ANO10: variants seen among roughly 807,000 people sequenced by gnomAD.
The protein encoded by ANO10 is anoctamin-10.
A neutral mutation model predicts 74.7 loss-of-function variants in ANO10; 77 were observed. The observed-to-expected ratio is 1.03, with a 90% CI of 0.86 to 1.25. ANO10 has a LOEUF of 1.25. ANO10 is among the 50% of genes most tolerant of loss of function. ANO10 has a pLI of 0.00. For synonymous variants in ANO10, 279 were observed against 284.9 expected, an observed-to-expected ratio of 0.98 and a Z score of 0.21; for missense variants, 721 against 778.1, an observed-to-expected ratio of 0.93 and a Z score of 0.87.
At chr3:43,404,334 G>C (rs543655477) in intron 12 of ANO10, among the ~76,000 whole-genome samples, 1 of 152,112 alleles carries the variant, frequency 6.6e-6, no homozygotes, top group Non-Finnish European at 1.5e-5. Flanking sequence ...AGAAAATGCC[G>C]AACACAGCCT....
At chr3:43,683,116 A>C (rs1437608132) in intron 1 of ANO10, among the ~76,000 whole-genome samples, 1 of 152,200 alleles carries the variant, frequency 6.6e-6, no homozygotes, top group Non-Finnish European at 1.5e-5. Flanking sequence ...AAGGGTATTC[A>C]ATTAGGAAAA....
rs897043933 is a variant in ANO10, at chr3:43,573,204, T to G, written c.1218+1605A>C. Reference sequence around the variant, plus strand: ...TTACACAGAGGGCACAGAACAGAACTTCCTAGCTGATTTAGCACCAACATT... The same window carrying G: ...TTACACAGAGGGCACAGAACAGAACGTCCTAGCTGATTTAGCACCAACATT... On this transcript the variant is annotated intron_variant, in intron 7 of 12. Transcript: ENST00000292246. Among the ~76,000 whole-genome samples the G allele has an allele frequency of 3.9e-5, 6 of 152,192 alleles. No homozygotes were observed. In the East Asian group the frequency reaches 1.2e-3, roughly 29 times the overall value.
At chr3:43,660,490 G>A (rs931960327) in intron 1 of ANO10, among the ~76,000 whole-genome samples, 1 of 151,946 alleles carries the variant, frequency 6.6e-6, no homozygotes, top group African/African-American at 2.4e-5. Context: ...CAGAAGAAAG[G>A]ATATCAGTGA....
chr3:43,582,625 G>GA (rs34738608), intron 4 of ANO10, among the ~76,000 whole-genome samples: 147 of 151,914 alleles, frequency 9.7e-4, no homozygotes, highest in African/African-American at 3.1e-3. Flanking sequence ...GGAAAAGTCT[G>GA]AAAAAAAAGA....
intron 11 of ANO10, among the ~76,000 whole-genome samples, chr3:43,466,245 C>T (rs2075606907): frequency 6.6e-6 from 1 of 151,538 alleles, no homozygotes. Context: ...GTGGTGCGTG[C>T]CGGTAGTTCC....
intron 11 of ANO10, among the ~76,000 whole-genome samples, chr3:43,467,387 T>G (rs2075673058): frequency 6.6e-6 from 1 of 152,214 alleles, no homozygotes; most frequent in African/African-American, 2.4e-5. Context: ...CTATGGTATA[T>G]TCATACAATG....
intron 11 of ANO10, among the ~76,000 whole-genome samples, chr3:43,483,570 T>C (rs1037446568): frequency 2.0e-5 from 3 of 152,150 alleles, no homozygotes; most frequent in African/African-American, 7.2e-5. Flanking sequence ...ACCCACATGA[T>C]TGATAAATGT....
chr3:43,555,822 A>C (rs1407063655), intron 9 of ANO10, among the ~76,000 whole-genome samples: 1 of 152,228 alleles, frequency 6.6e-6, no homozygotes, highest in Non-Finnish European at 1.5e-5. Context: ...ACTTCCAGTC[A>C]GTTTTTCTTA....
At chr3:43,410,810 G>A (rs1275293315) in intron 12 of ANO10, among the ~76,000 whole-genome samples, 1 of 152,028 alleles carries the variant, frequency 6.6e-6, no homozygotes, top group Non-Finnish European at 1.5e-5. Flanking sequence ...GCATTTAGTT[G>A]CATGAGAAAA....
intron 11 of ANO10, among the ~76,000 whole-genome samples, chr3:43,442,051 A>G (rs147478511): frequency 7.9e-4 from 121 of 152,312 alleles, no homozygotes; most frequent in African/African-American, 2.8e-3. Context: ...CGTCATACCA[A>G]ATGATGGAAA....
At chr3:43,605,390 T>C (rs1420067897) in intron 2 of ANO10, among the ~76,000 whole-genome samples, 1 of 152,130 alleles carries the variant, frequency 6.6e-6, no homozygotes, top group African/African-American at 2.4e-5. Flanking sequence ...TAGATACTTG[T>C]CCATTCATTT....
chr3:43,571,348 G>A (rs2080704523), intron 7 of ANO10, among the ~76,000 whole-genome samples: 2 of 152,026 alleles, frequency 1.3e-5, no homozygotes, highest in South Asian at 4.2e-4. Context: ...TATACCCAAA[G>A]GACTATAAAT....
At chr3:43,422,508 G>C (rs961921154) in intron 12 of ANO10, among the ~76,000 whole-genome samples, 2 of 152,092 alleles carry the variant, frequency 1.3e-5, no homozygotes, top group Admixed American at 1.3e-4. Context: ...AAATACATTT[G>C]AATGACATCT....
intron 11 of ANO10, among the ~76,000 whole-genome samples, chr3:43,514,573 C>CA (rs979769448): frequency 1.3e-5 from 2 of 151,856 alleles, no homozygotes; most frequent in East Asian, 1.9e-4. Context: ...AAAAAGTAGA[C>CA]AAAAAAAGCA....
At chr3:43,405,117 A>G (rs765389318) in intron 12 of ANO10, among the ~76,000 whole-genome samples, 3 of 152,212 alleles carry the variant, frequency 2.0e-5, no homozygotes, top group Admixed American at 1.3e-4. Flanking sequence ...TTGATCTAAC[A>G]TGTCCTTTTA....
intron 11 of ANO10, among the ~76,000 whole-genome samples, chr3:43,438,473 G>A (rs2093108574): frequency 1.3e-5 from 2 of 151,922 alleles, no homozygotes; most frequent in East Asian, 1.9e-4. Context: ...AGCCAGGCAT[G>A]GTGGCTCACG....
chr3:43,373,205 T>G (rs2091680217), intron 12 of ANO10, among the ~76,000 whole-genome samples: 1 of 151,792 alleles, frequency 6.6e-6, no homozygotes, highest in African/African-American at 2.4e-5. Flanking sequence ...AAGCTCAAGC[T>G]GGGTGAGGGT....
intron 11 of ANO10, among the ~76,000 whole-genome samples, chr3:43,446,429 T>C (rs2093247105): frequency 6.6e-6 from 1 of 152,186 alleles, no homozygotes; most frequent in Non-Finnish European, 1.5e-5. Context: ...CTTCATACAA[T>C]TGAACAGAGA....
intron 11 of ANO10, among the ~76,000 whole-genome samples, chr3:43,440,158 T>C (rs1444275165): frequency 6.6e-6 from 1 of 152,034 alleles, no homozygotes; most frequent in African/African-American, 2.4e-5. Flanking sequence ...CAAGACATAC[T>C]GAAAGCAATG....
Sources: gnomAD v4.1 joint callset for allele counts (sites outside exome capture counted in the v4.1 genomes callset) on GRCh38, gnomAD v4.1.1 for gene constraint, MANE v1.5 for transcripts, NCBI Gene and HGNC (gene_info 2026-07-23, HGNC 2026-07-21) for gene names.